Variants in SNW1 observed in about 807,000 individuals in gnomAD.
SNW1 encodes the protein SNW domain-containing protein 1.
SNW1 carries 9 observed loss-of-function variants against 75.6 expected under a neutral mutation model. The ratio of observed to expected loss-of-function variants is 0.12; its 90% CI spans 0.07 to 0.21. SNW1 has a LOEUF of 0.21. Among genes scored for constraint, SNW1 ranks in the 10% least tolerant of loss-of-function variants. The pLI is 1.00. For synonymous variants in SNW1, 200 were observed against 219.1 expected (o/e 0.91, Z 0.77); for missense variants, 409 against 670.9 (o/e 0.61, Z 4.31).
At chr14:77,756,122 T>C (rs1393265800) in intron 1 of SNW1, among the ~76,000 whole-genome samples, 1 of 152,046 alleles carries the variant, frequency 6.6e-6, no homozygotes, top group African/African-American at 2.4e-5. Flanking sequence ...GCTATTCTTA[T>C]ACTCCTTTTT....
intron 5 of SNW1, 110 bp from the exon 6 acceptor site, chr14:77,737,185 G>A: frequency 1.4e-6 from 1 of 718,866 alleles, no homozygotes; most frequent in Non-Finnish European, 2.4e-6. Context: ...CTTTCGCAAA[G>A]TATTAACAGA....
chr14:77,736,547 T>C (rs1370513057), intron 6 of SNW1, among the ~76,000 whole-genome samples: 2 of 48,216 alleles, frequency 4.1e-5, no homozygotes, highest in Non-Finnish European at 8.2e-5. Context: ...AGACTGTCTC[T>C]CAAAAAACAA....
At chr14:77,754,125 A>G (rs1295091793) in intron 2 of SNW1, among the ~76,000 whole-genome samples, 2 of 151,050 alleles carry the variant, frequency 1.3e-5, no homozygotes, top group African/African-American at 4.9e-5. Context: ...GCTCACCACA[A>G]CCTCTGCCTC....
At chr14:77,749,624 G>A (rs1411488314) in intron 3 of SNW1, among the ~76,000 whole-genome samples, 1 of 152,080 alleles carries the variant, frequency 6.6e-6, no homozygotes, top group Non-Finnish European at 1.5e-5. Flanking sequence ...AAAATTCACC[G>A]GGCATGGTGG....
intron 3 of SNW1, among the ~76,000 whole-genome samples, chr14:77,744,877 T>C (rs1456263911): frequency 2.6e-5 from 4 of 152,136 alleles, no homozygotes; most frequent in South Asian, 2.1e-4. Context: ...GCCTCCATGG[T>C]ATAGAGTAAA....
chr14:77,746,288 T>C (rs1381866252), intron 3 of SNW1, among the ~76,000 whole-genome samples: 1 of 152,254 alleles, frequency 6.6e-6, no homozygotes, highest in African/African-American at 2.4e-5. Context: ...TGGATGAATT[T>C]GTTTGTTCAT....
At chr14:77,750,987 G>A (rs899950345) in intron 3 of SNW1, among the ~76,000 whole-genome samples, 2 of 152,196 alleles carry the variant, frequency 1.3e-5, no homozygotes, top group African/African-American at 4.8e-5. Context: ...TTGATGGTAA[G>A]GCTCTGGGGT....
At chr14:77,729,744 G>A (rs186965567) in intron 10 of SNW1, among the ~76,000 whole-genome samples, 1 of 152,306 alleles carries the variant, frequency 6.6e-6, no homozygotes, top group Admixed American at 6.5e-5. Flanking sequence ...CTTGGCAGTA[G>A]TGAATATTTC....
intron 11 of SNW1, 173 bp downstream of exon 11, chr14:77,723,008 C>A: frequency 3.4e-6 from 2 of 586,164 alleles, no homozygotes; most frequent in Non-Finnish European, 3.1e-6. Flanking sequence ...CGACCATGCC[C>A]GGCTAATTTT....
At position 77,723,305 on chromosome 14, in the gene SNW1, C is replaced by G. The variant is rs1281214369; in HGVS notation, c.1034-28G>C. On this transcript the variant is annotated intron_variant, in intron 10 of 13. Coordinates refer to ENST00000261531, the MANE Select transcript of SNW1 (RefSeq NM_012245.3). ...GTGTGAACAGTTGAAAAGTACTTCA[C>G]TGTAATATGTATTATATGTGTGCAT... is the stretch of plus-strand genomic sequence containing the variant. 2.0e-6 allele frequency: 3 copies of G among 1,507,522 alleles called. No homozygotes were observed. In the African/African-American group the frequency reaches 4.1e-5, roughly 21 times the overall value. The allele number at this position is 1,507,522 out of a possible 1,614,324, so 93.4% of individuals were successfully genotyped here. A position where few individuals can be genotyped will look rare whatever the true frequency, so the allele number is the denominator to read the frequency against.
chr14:77,720,803 G>A lies in SNW1; in HGVS notation c.1156C>T (p.Arg386Trp), dbSNP rs1349964407. The A allele has an allele frequency of 1.2e-6, 2 of 1,612,932 alleles. No individual in the cohort carries two copies. Among genetic ancestry groups the A allele is most frequent in the East Asian group, 2.2e-5 (1 of 44,858 alleles). The change falls in exon 12 of 14, where the codon CGG (arginine) becomes TGG (tryptophan). Residue 386 changes from arginine to tryptophan, a missense_variant. This residue lies in a region of SNW1 where 126 missense variants were observed against 167.6 expected (regional missense o/e 0.75). Transcript: ENST00000261531. ...AGAGCAATAACTTCACTGATATCCC[G>A]ATTTTCATTTCTCTGAAGTTTCGAC... ...KRSKLQRNENRDISEVIALGV... is the reference protein window; with the variant it reads ...KRSKLQRNENWDISEVIALGV...
chr14:77,721,787 G>A (rs1490389926), intron 11 of SNW1, among the ~76,000 whole-genome samples: 1 of 151,184 alleles, frequency 6.6e-6, no homozygotes, highest in African/African-American at 2.4e-5. Context: ...TCACTCTGTC[G>A]CCCAGGCTGG....
chr14:77,733,164 G>A (rs1026312566), intron 8 of SNW1, among the ~76,000 whole-genome samples: 8 of 152,154 alleles, frequency 5.3e-5, no homozygotes, highest in Non-Finnish European at 1.2e-4. Flanking sequence ...CCATTTCACT[G>A]ATGCTTTGGT....
chr14:77,750,208 CAAAT>C (rs913022725), intron 3 of SNW1, among the ~76,000 whole-genome samples: 4 of 151,756 alleles, frequency 2.6e-5, no homozygotes, highest in African/African-American at 7.3e-5. Flanking sequence ...CTCAAAAAAA[CAAAT>C]AAAAAATAAA....
chr14:77,720,461 G>A lies in SNW1; in HGVS notation c.1248+250C>T, dbSNP rs1372007171. The A allele has an allele frequency of 5.0e-5, 35 of 699,610 alleles. 1 individual carries two copies. The Admixed American group carries it at 5.9e-4, about 12-fold the overall frequency. The allele number at this position is 699,610 out of a possible 1,614,324, so 43.3% of individuals were successfully genotyped here. A position where few individuals can be genotyped will look rare whatever the true frequency, so the allele number is the denominator to read the frequency against. Reference sequence around the variant, plus strand: ...CCCTGGTTCTATTTTAGAAACAAAAGGTTGACATACCACAACACCAAGTTT... The same window carrying A: ...CCCTGGTTCTATTTTAGAAACAAAAAGTTGACATACCACAACACCAAGTTT... On this transcript the variant is annotated intron_variant, in intron 12 of 13. Coordinates refer to ENST00000261531, the MANE Select transcript of SNW1 (RefSeq NM_012245.3).
chr14:77,747,759 A>G (rs923634354), intron 3 of SNW1, among the ~76,000 whole-genome samples: 1 of 148,646 alleles, frequency 6.7e-6, no homozygotes, highest in Admixed American at 6.7e-5. Flanking sequence ...GGTGGGGGCC[A>G]GCCCCTGCCT....
intron 10 of SNW1, 26 bp from the exon 11 acceptor site, chr14:77,723,303 C>T (rs1403039245): frequency 1.3e-6 from 2 of 1,509,178 alleles, no homozygotes; most frequent in Non-Finnish European, 1.8e-6. Context: ...AAAAGTACTT[C>T]ACTGTAATAT....
rs577890721 is a variant in SNW1, at chr14:77,759,566, T to C, written c.14+1548A>G. 3.3e-5 allele frequency among the ~76,000 whole-genome samples: 5 copies of C among 152,256 alleles called. No homozygotes were observed. The East Asian group carries it at 9.6e-4, about 29-fold the overall frequency. On this transcript the variant is annotated intron_variant, in intron 1 of 13. Coordinates refer to ENST00000261531, the MANE Select transcript of SNW1 (RefSeq NM_012245.3). ...GACATCTCTAGAAATTTTTCCTGTGTGTCCATTTCAAATTCCACCTTTTCC... is the reference window on the plus strand; with the variant it reads ...GACATCTCTAGAAATTTTTCCTGTGCGTCCATTTCAAATTCCACCTTTTCC...
intron 8 of SNW1, among the ~76,000 whole-genome samples, chr14:77,733,638 G>A (rs551305248): frequency 2.5e-4 from 38 of 150,494 alleles, no homozygotes; most frequent in Admixed American, 1.4e-3. Context: ...CCAACTACTC[G>A]GGAGGCTGAG....
Sources: gnomAD v4.1 joint callset for allele counts (sites outside exome capture counted in the v4.1 genomes callset) on GRCh38, gnomAD v4.1.1 for gene constraint, gnomAD v4.1.1 regional missense constraint, MANE v1.5 for transcripts, NCBI Gene and HGNC (gene_info 2026-07-23, HGNC 2026-07-21) for gene names.